The following SUN3 variants were observed in gnomAD, a reference collection of about 807,000 sequenced individuals.
SUN3 encodes the protein Sad1 and UNC84 domain containing 3.
In SUN3, 36 loss-of-function variants were observed where a neutral mutation model predicts 48.2. The ratio of observed to expected loss-of-function variants is 0.75; its 90% confidence interval spans 0.57 to 0.99. The LOEUF is 0.99. Among genes scored for constraint, SUN3 ranks in the 50% least tolerant of loss-of-function variants. The pLI is 0.00. For missense variants in SUN3, 419 were observed against 433.1 expected, an observed-to-expected ratio of 0.97 and a Z score of 0.29; for synonymous variants, 148 against 147.9, an observed-to-expected ratio of 1.00 and a Z score of 0.00.
At chr7:48,018,821 T>C (rs2128781375) in intron 2 of SUN3, among the ~76,000 whole-genome samples, 1 of 151,954 alleles carries the variant, frequency 6.6e-6, no homozygotes. Flanking sequence ...AAAGAGAAAA[T>C]GGCAGAAACC....
chr7:47,992,173 T>G (rs1402812619), intron 8 of SUN3, among the ~76,000 whole-genome samples: 1 of 152,168 alleles, frequency 6.6e-6, no homozygotes, highest in African/African-American at 2.4e-5. Flanking sequence ...AGCCCCACCG[T>G]GCGCGCAAAG....
intron 2 of SUN3, among the ~76,000 whole-genome samples, chr7:48,019,206 A>G (rs1274042610): frequency 6.6e-6 from 1 of 152,138 alleles, no homozygotes; most frequent in Non-Finnish European, 1.5e-5. Flanking sequence ...GGATCAACAT[A>G]TGCATTGTGG....
At chr7:48,001,771 T>C (rs189710434) in intron 6 of SUN3, among the ~76,000 whole-genome samples, 4,257 of 151,978 alleles carry the variant, frequency 0.028, 196 homozygotes, top group African/African-American at 0.097. Flanking sequence ...CTCCTGACCT[T>C]GTGATCTGCC....
chr7:48,005,942 T>G, intron 6 of SUN3, 27 bp downstream of exon 6: 1 of 1,480,034 alleles, frequency 6.8e-7, no homozygotes, highest in Non-Finnish European at 9.3e-7. Flanking sequence ...TTTTTAATGT[T>G]CCTCTTTTCA....
At chr7:47,998,508 T>A (rs1044495863) in intron 6 of SUN3, among the ~76,000 whole-genome samples, 2 of 152,234 alleles carry the variant, frequency 1.3e-5, no homozygotes, top group African/African-American at 4.8e-5. Flanking sequence ...CTGTAACTTG[T>A]CTTTTCATTC....
upstream of SUN3, among the ~76,000 whole-genome samples, chr7:48,032,970 T>C (rs1010944999): frequency 4.1e-4 from 62 of 152,212 alleles, 1 homozygote; most frequent in Non-Finnish European, 6.8e-4. Context: ...CTCAAATACA[T>C]TTTTCCTCTT....
intron 2 of SUN3, among the ~76,000 whole-genome samples, chr7:48,018,060 G>A (rs1789862661): frequency 6.6e-6 from 1 of 152,142 alleles, no homozygotes; most frequent in Non-Finnish European, 1.5e-5. Context: ...TGCATTTCTA[G>A]GACTGGACGC....
At chr7:47,995,847 G>A (rs1311099925) in intron 7 of SUN3, among the ~76,000 whole-genome samples, 184 bp downstream of exon 7, 1 of 152,092 alleles carries the variant, frequency 6.6e-6, no homozygotes. Flanking sequence ...ATAGTTTACT[G>A]ACCATAAAAT....
In SUN3 at chr7:48,009,092, A is replaced by G; in HGVS notation, c.289-17T>C. On this transcript the variant is annotated splice_polypyrimidine_tract_variant and intron_variant, in intron 3 of 9. Coordinates refer to ENST00000297325, the MANE Select transcript of SUN3 (RefSeq NM_001030019.2). ...AAGTCTGGCCTGAAAACAACAGAAA[A>G]AGATAAATCATTCTGAATTCTGCTT... 1 of 1,606,472 alleles carries G rather than the reference A, an allele frequency of 6.2e-7. No homozygotes were observed. Among genetic ancestry groups the G allele is most frequent in the Non-Finnish European group, 8.5e-7 (1 of 1,177,832 alleles).
At chr7:48,008,188 C>T (rs558350452) in intron 4 of SUN3, among the ~76,000 whole-genome samples, 38 of 152,210 alleles carry the variant, frequency 2.5e-4, no homozygotes, top group African/African-American at 7.7e-4. Context: ...AAATGTCAAG[C>T]GAATAGGTAT....
At chr7:48,031,892 G>T (rs1454246902), upstream of SUN3, among the ~76,000 whole-genome samples, 2 of 151,702 alleles carry the variant, frequency 1.3e-5, no homozygotes, top group African/African-American at 2.4e-5. Flanking sequence ...GTGGTGGTGG[G>T]GGGAGAGAAA....
chr7:48,019,930 C>T (rs1202104952), intron 2 of SUN3, among the ~76,000 whole-genome samples: 3 of 131,990 alleles, frequency 2.3e-5, no homozygotes, highest in African/African-American at 8.4e-5. Flanking sequence ...TAAACTCATT[C>T]TACAAGGCCA....
intron 6 of SUN3, among the ~76,000 whole-genome samples, chr7:47,997,758 G>T (rs529075483): frequency 1.4e-4 from 21 of 152,238 alleles, no homozygotes; most frequent in Admixed American, 4.6e-4. Flanking sequence ...CCAAGCCTTG[G>T]CAATTATTAA....
At chr7:47,989,123 T>C (rs572985415) in intron 8 of SUN3, among the ~76,000 whole-genome samples, 4 of 152,148 alleles carry the variant, frequency 2.6e-5, no homozygotes, top group African/African-American at 9.6e-5. Context: ...GATAGATAGA[T>C]AGAGAGCTAG....
chr7:48,030,713 T>C (rs1790243901), upstream of SUN3, among the ~76,000 whole-genome samples: 1 of 152,220 alleles, frequency 6.6e-6, no homozygotes, highest in Admixed American at 6.5e-5. Flanking sequence ...TAATGTGCAA[T>C]AGTAATCTTG....
chr7:48,006,032 A>T lies in SUN3; in HGVS notation c.514T>A (p.Tyr172Asn), dbSNP rs1321169005. The change falls in exon 6 of 10, where the codon TAT (tyrosine) becomes AAT (asparagine). Residue 172 changes from tyrosine (Y) to asparagine (N), a missense_variant. By Grantham distance (143) the Tyr-to-Asn change is moderately radical. Coordinates refer to ENST00000297325, the MANE Select transcript of SUN3 (RefSeq NM_001030019.2). ...HTEEVSNLVN[Y>N]VLKKLREDQV... Reference sequence around the variant, plus strand: ...TCTTCTCTCAACTTTTTAAGTACATAATTGACCAAGTTTGACACTTCCTGT... The same window carrying T: ...TCTTCTCTCAACTTTTTAAGTACATTATTGACCAAGTTTGACACTTCCTGT... 4.3e-6 allele frequency: 7 copies of T among 1,611,112 alleles called. No individual in the cohort carries two copies.
chr7:48,013,682 T>C (rs1413816034), intron 3 of SUN3, among the ~76,000 whole-genome samples: 4 of 152,218 alleles, frequency 2.6e-5, no homozygotes, highest in Non-Finnish European at 5.9e-5. Context: ...CATTATAAAA[T>C]AATATCTAAA....
chr7:48,025,200 C>T (rs1790101950), intron 2 of SUN3, among the ~76,000 whole-genome samples: 1 of 152,062 alleles, frequency 6.6e-6, no homozygotes, highest in Non-Finnish European at 1.5e-5. Context: ...GAGGTATATA[C>T]ATACAATGAA....
intron 9 of SUN3, among the ~76,000 whole-genome samples, chr7:47,987,724 G>C (rs1788940334): frequency 6.6e-6 from 1 of 152,072 alleles, no homozygotes; most frequent in Non-Finnish European, 1.5e-5. Flanking sequence ...TGTAGAGACA[G>C]GGTTTTGCCA....
Sources: allele counts gnomAD v4.1 joint callset (sites outside exome capture counted in the v4.1 genomes callset), GRCh38; gene constraint gnomAD v4.1.1; transcripts MANE v1.5; gene names NCBI Gene and HGNC (gene_info 2026-07-23, HGNC 2026-07-21).